C1QTNF7: variants seen among roughly 807,000 people sequenced by gnomAD.
C1QTNF7 encodes C1q and TNF related 7.
C1QTNF7 carries 15 observed loss-of-function variants against 19.6 expected under a neutral mutation model. That is an observed-to-expected ratio of 0.76 (90% CI 0.51 to 1.18). C1QTNF7 has a LOEUF of 1.18. Among genes scored for constraint, C1QTNF7 ranks in the 50% most tolerant of loss-of-function variants. The pLI is 0.00. For missense variants in C1QTNF7, 324 were observed against 359.7 expected, an observed-to-expected ratio of 0.90 and a Z score of 0.80; for synonymous variants, 142 against 137.5, an observed-to-expected ratio of 1.03 and a Z score of -0.23.
chr4:15,374,352 C>T (rs1033416737), intron 1 of C1QTNF7, among the ~76,000 whole-genome samples: 1 of 152,190 alleles, frequency 6.6e-6, no homozygotes, highest in Non-Finnish European at 1.5e-5. Context: ...TGATCTCTCC[C>T]AGCACAACAA....
intron 1 of C1QTNF7, among the ~76,000 whole-genome samples, chr4:15,357,440 T>C (rs1340662873): frequency 6.6e-6 from 1 of 152,228 alleles, no homozygotes; most frequent in Non-Finnish European, 1.5e-5. Flanking sequence ...GCCTCTGTTC[T>C]GTTCCATTGG....
At chr4:15,369,419 T>C (rs1180205575) in intron 1 of C1QTNF7, among the ~76,000 whole-genome samples, 2 of 152,238 alleles carry the variant, frequency 1.3e-5, no homozygotes, top group Non-Finnish European at 2.9e-5. Flanking sequence ...TAAACATATA[T>C]TATTTCTAAT....
chr4:15,383,322 A>G (rs973603509), intron 1 of C1QTNF7, among the ~76,000 whole-genome samples: 1 of 152,156 alleles, frequency 6.6e-6, no homozygotes, highest in Non-Finnish European at 1.5e-5. Flanking sequence ...AGAGAAAGCC[A>G]CTTCCCTATG....
At chr4:15,373,663 A>G (rs1444721777) in intron 1 of C1QTNF7, among the ~76,000 whole-genome samples, 1 of 152,128 alleles carries the variant, frequency 6.6e-6, no homozygotes, top group East Asian at 1.9e-4. Flanking sequence ...TTCTATTTCT[A>G]GATCTAGTGT....
At chr4:15,355,370 G>A (rs1027379333) in intron 1 of C1QTNF7, among the ~76,000 whole-genome samples, 4 of 152,062 alleles carry the variant, frequency 2.6e-5, no homozygotes, top group Non-Finnish European at 5.9e-5. Flanking sequence ...ATGTGAAATC[G>A]CCCAATTTTT....
intron 1 of C1QTNF7, among the ~76,000 whole-genome samples, chr4:15,382,558 T>C (rs1306422490): frequency 6.6e-6 from 1 of 152,218 alleles, no homozygotes; most frequent in Admixed American, 6.5e-5. Flanking sequence ...CCATCTCACC[T>C]GGTCAATATG....
chr4:15,362,925 A>G (rs1215117663), intron 1 of C1QTNF7, among the ~76,000 whole-genome samples: 1 of 151,884 alleles, frequency 6.6e-6, no homozygotes, highest in African/African-American at 2.4e-5. Flanking sequence ...CATCATTATC[A>G]TTATGATTTT....
intron 1 of C1QTNF7, among the ~76,000 whole-genome samples, chr4:15,416,491 C>T (rs1389757783): frequency 6.6e-6 from 1 of 152,142 alleles, no homozygotes; most frequent in Non-Finnish European, 1.5e-5. Flanking sequence ...GAACGCTGAC[C>T]ATGCTGACAC....
At chr4:15,425,060 T>C (rs1197935500), upstream of C1QTNF7, among the ~76,000 whole-genome samples, 1 of 151,904 alleles carries the variant, frequency 6.6e-6, no homozygotes, top group Non-Finnish European at 1.5e-5. Flanking sequence ...GATGAAGTAA[T>C]AAATAAAAGA....
At chr4:15,346,278 T>C (rs1716715609) in intron 1 of C1QTNF7, among the ~76,000 whole-genome samples, 1 of 152,190 alleles carries the variant, frequency 6.6e-6, no homozygotes, top group Non-Finnish European at 1.5e-5. Context: ...AATACATGTT[T>C]GTCTGTCTTC....
chr4:15,388,335 T>C (rs545446315), intron 1 of C1QTNF7, among the ~76,000 whole-genome samples: 2 of 152,306 alleles, frequency 1.3e-5, no homozygotes, highest in South Asian at 4.1e-4. Flanking sequence ...GCAGTCGACA[T>C]GCTTGTGTGT....
At chr4:15,411,113 T>C (rs954188035) in intron 1 of C1QTNF7, among the ~76,000 whole-genome samples, 1 of 152,170 alleles carries the variant, frequency 6.6e-6, no homozygotes, top group Admixed American at 6.5e-5. Flanking sequence ...GCAAATTCAT[T>C]CCAATAAGAA....
At chr4:15,421,817 T>C (rs903850880) in intron 1 of C1QTNF7, among the ~76,000 whole-genome samples, 2 of 152,130 alleles carry the variant, frequency 1.3e-5, no homozygotes, top group African/African-American at 4.8e-5. Context: ...TATATAGATA[T>C]AGATATTTAA....
intron 1 of C1QTNF7, among the ~76,000 whole-genome samples, chr4:15,406,653 C>A (rs560566123): frequency 6.6e-6 from 1 of 152,264 alleles, no homozygotes; most frequent in African/African-American, 2.4e-5. Flanking sequence ...TAAAAACAAC[C>A]ATACCATCCA....
chr4:15,408,059 G>C (rs986724497), intron 1 of C1QTNF7, among the ~76,000 whole-genome samples: 4 of 152,048 alleles, frequency 2.6e-5, no homozygotes, highest in Admixed American at 2.0e-4. Context: ...ATGAGGTCAG[G>C]AGTTCGAGAG....
chr4:15,408,283 A>C (rs969689733), intron 1 of C1QTNF7, among the ~76,000 whole-genome samples: 5 of 151,394 alleles, frequency 3.3e-5, no homozygotes, highest in Non-Finnish European at 5.9e-5. Flanking sequence ...CTCAAAAAAA[A>C]AAAAAAAAAA....
At chr4:15,378,211 C>CA (rs1223347723) in intron 1 of C1QTNF7, among the ~76,000 whole-genome samples, 1 of 152,172 alleles carries the variant, frequency 6.6e-6, no homozygotes, top group Non-Finnish European at 1.5e-5. Flanking sequence ...ATAAGAAAGA[C>CA]AAAACGAAAC....
chr4:15,400,530 T>C (rs1390792503), intron 1 of C1QTNF7, among the ~76,000 whole-genome samples: 1 of 152,232 alleles, frequency 6.6e-6, no homozygotes, highest in African/African-American at 2.4e-5. Flanking sequence ...ACTTTGGAAA[T>C]TGTACAATAT....
chr4:15,362,578 G>C (rs1299134475), intron 1 of C1QTNF7: 2 of 152,214 alleles, frequency 1.3e-5, no homozygotes, highest in South Asian at 2.1e-4. Context: ...TTTACAATAA[G>C]TGATTAAAAA....
Sources: gnomAD v4.1 joint callset for allele counts (sites outside exome capture counted in the v4.1 genomes callset) on GRCh38, gnomAD v4.1.1 for gene constraint, MANE v1.5 for transcripts, NCBI Gene and HGNC (gene_info 2026-07-23, HGNC 2026-07-21) for gene names.